PHKB: variants seen among roughly 807,000 people sequenced by gnomAD.
PHKB encodes phosphorylase kinase regulatory subunit beta, also known as phosphorylase b kinase regulatory subunit beta.
A neutral mutation model predicts 152.1 loss-of-function variants in PHKB; 122 were observed. The observed-to-expected ratio is 0.80, with a 90% CI of 0.69 to 0.93. The LOEUF (loss-of-function observed/expected upper bound fraction) is 0.93, where lower values mean the gene tolerates loss of function less well. Among genes scored for constraint, PHKB ranks in the 40% least tolerant of loss-of-function variants. The probability of loss-of-function intolerance (pLI) is 0.00; values close to 1 mark genes in which losing one functional copy is unlikely to be tolerated. For missense variants in PHKB, 1,304 were observed against 1,328.4 expected (o/e 0.98, Z 0.29); for synonymous variants, 436 against 464.9 (o/e 0.94, Z 0.80).
rs549607488 is a variant in PHKB at position 47,637,841 on chromosome 16, C to A, written c.1459-3194C>A. ...ATCAACATCAGAAATTTATTTCTCG[C>A]AGTTCTAAAAGCTGGGTGATCCAAG... On this transcript the variant is annotated intron_variant, in intron 14 of 30. Transcript: ENST00000323584. 4.6e-5 allele frequency among the ~76,000 whole-genome samples: 7 copies of A among 152,270 alleles called. No individual in the cohort carries two copies. In the East Asian group the frequency reaches 1.4e-3, roughly 29 times the overall value.
chr16:47,616,565 A>G (rs1013851831), intron 14 of PHKB, among the ~76,000 whole-genome samples: 1 of 146,078 alleles, frequency 6.8e-6, no homozygotes, highest in African/African-American at 2.5e-5. Flanking sequence ...ATGTTAATAT[A>G]TATTTTACAT....
At chr16:47,541,971 C>G (rs916578703) in intron 6 of PHKB, among the ~76,000 whole-genome samples, 49 of 152,232 alleles carry the variant, frequency 3.2e-4, no homozygotes, top group Non-Finnish European at 7.4e-5. Context: ...ATGGTAGTTT[C>G]TTTTGCTGTG....
At chr16:47,510,055 GT>G (rs1337381007) in intron 4 of PHKB, among the ~76,000 whole-genome samples, 2 of 152,176 alleles carry the variant, frequency 1.3e-5, no homozygotes, top group Non-Finnish European at 2.9e-5. Flanking sequence ...TTACCAGTTT[GT>G]TTTAAAGGAT....
chr16:47,699,424 T>C lies in PHKB; in HGVS notation c.*58T>C. 2 of 1,595,272 alleles carry C rather than the reference T, an allele frequency of 1.3e-6. No individual in the cohort carries two copies. Among genetic ancestry groups the C allele is most frequent in the Middle Eastern group, 1.7e-4 (1 of 6,028 alleles). ...ATGTTCTGAAGTGTGTTGTGTTTCATGTTCAAGCTTAATCAAGGCAGCCAT... is the reference window on the plus strand; with the variant it reads ...ATGTTCTGAAGTGTGTTGTGTTTCACGTTCAAGCTTAATCAAGGCAGCCAT... On this transcript the variant is annotated 3_prime_UTR_variant, in exon 31 of 31. Coordinates refer to ENST00000323584, the MANE Select transcript of PHKB (RefSeq NM_000293.3).
At chr16:47,698,929 G>A (rs978186327) in intron 30 of PHKB, among the ~76,000 whole-genome samples, 1 of 152,118 alleles carries the variant, frequency 6.6e-6, no homozygotes, top group African/African-American at 2.4e-5. Flanking sequence ...GACAGGCTAC[G>A]TTGGTGCTGC....
At chr16:47,606,035 G>A (rs965628732) in intron 13 of PHKB, among the ~76,000 whole-genome samples, 3 of 152,150 alleles carry the variant, frequency 2.0e-5, no homozygotes, top group African/African-American at 7.2e-5. Context: ...GAATATATGT[G>A]AAATACTTAA....
chr16:47,601,440 T>A (rs1972224216), intron 13 of PHKB, among the ~76,000 whole-genome samples: 1 of 152,130 alleles, frequency 6.6e-6, no homozygotes, highest in South Asian at 2.1e-4. Context: ...GTGTGGTGGC[T>A]CATGCCTGTA....
chr16:47,551,466 A>C (rs1488623124), intron 7 of PHKB, among the ~76,000 whole-genome samples: 1 of 151,948 alleles, frequency 6.6e-6, no homozygotes, highest in Non-Finnish European at 1.5e-5. Flanking sequence ...TTCATTTTGT[A>C]ATTTACCCAG....
At position 47,466,672 on chromosome 16, in the gene PHKB, A is replaced by C. The variant is rs114383599; in HGVS notation, c.76+5246A>C. Among the ~76,000 whole-genome samples, 1,160 of 152,290 alleles carry C rather than the reference A, an allele frequency of 7.6e-3. 22 individuals are homozygous for C. Among genetic ancestry groups the C allele is most frequent in the African/African-American group, 0.027 (1,116 of 41,546 alleles). On this transcript the variant is annotated intron_variant, in intron 1 of 30. Coordinates refer to ENST00000323584, the MANE Select transcript of PHKB (RefSeq NM_000293.3). Reference sequence around the variant, plus strand: ...TTGATTAACTTTCTTTTGTTAATTTAATTTGATGGGCAAATCAGTACCTGT... The same window carrying C: ...TTGATTAACTTTCTTTTGTTAATTTCATTTGATGGGCAAATCAGTACCTGT...
intron 1 of PHKB, chr16:47,463,584 T>C: frequency 3.3e-6 from 1 of 299,530 alleles, no homozygotes; most frequent in South Asian, 3.4e-5. Flanking sequence ...CAGTATAGAG[T>C]CCTCCCCACA....
intron 6 of PHKB, among the ~76,000 whole-genome samples, chr16:47,540,355 T>C (rs1175178594): frequency 3.3e-5 from 5 of 150,640 alleles, no homozygotes; most frequent in Non-Finnish European, 5.9e-5. Context: ...CAGCTGAACA[T>C]AGACCCTTAT....
At chr16:47,662,478 T>C (rs1221355327) in intron 23 of PHKB, among the ~76,000 whole-genome samples, 2 of 152,198 alleles carry the variant, frequency 1.3e-5, no homozygotes, top group African/African-American at 4.8e-5. Flanking sequence ...GAAAATACTC[T>C]GTTAAGAGGT....
rs138498909 is a variant in PHKB, at chr16:47,541,346, A to G, written c.595-6087A>G. On this transcript the variant is annotated intron_variant, in intron 6 of 30. Coordinates refer to ENST00000323584, the MANE Select transcript of PHKB (RefSeq NM_000293.3). Reference sequence around the variant, plus strand: ...TGAGCTCATCCTTTTTTATGGCTGCATAGTATTCCATGGTGTATATGTGCC... The same window carrying G: ...TGAGCTCATCCTTTTTTATGGCTGCGTAGTATTCCATGGTGTATATGTGCC... 1.8e-4 allele frequency among the ~76,000 whole-genome samples: 28 copies of G among 152,314 alleles called. No homozygotes were observed. The East Asian group carries it at 5.4e-3, about 29-fold the overall frequency.
chr16:47,689,101 G>A lies in PHKB; in HGVS notation c.2691G>A (p.Leu897=). Residue 897 remains leucine (L), a synonymous_variant, in exon 27 of 31, where the codon TTG becomes TTA. Coordinates refer to ENST00000323584, the MANE Select transcript of PHKB (RefSeq NM_000293.3). ...LQIRGGDKPA[L]DLYQLSPSEV... ...TCCGTGGCGGAGACAAGCCAGCCTT[G>A]GACTTGTATCAGCTGTCACCTAGTG... 1 of 1,613,812 alleles carries A rather than the reference G, an allele frequency of 6.2e-7. No individual in the cohort carries two copies. Among genetic ancestry groups the A allele is most frequent in the Non-Finnish European group, 8.5e-7 (1 of 1,179,804 alleles).
chr16:47,545,996 C>CT lies in PHKB; in HGVS notation c.595-1431dup, dbSNP rs1207660040. On this transcript the variant is annotated intron_variant, in intron 6 of 30. Transcript: ENST00000323584. Reference sequence around the variant, plus strand: ...TATTCTAGTTAGCCATTCATATAATCTTTTTTCAAAGTTTTTAGCTTCCTT... The same window carrying CT: ...TATTCTAGTTAGCCATTCATATAATCTTTTTTTCAAAGTTTTTAGCTTCCTT... 4.6e-5 allele frequency among the ~76,000 whole-genome samples: 7 copies of CT among 152,264 alleles called. No homozygotes were observed. The East Asian group carries it at 1.3e-3, about 29-fold the overall frequency.
intron 14 of PHKB, among the ~76,000 whole-genome samples, chr16:47,631,498 C>CT (rs1157699166): frequency 2.6e-4 from 39 of 152,130 alleles, no homozygotes; most frequent in African/African-American, 8.4e-4. Context: ...TTTTATTGTA[C>CT]TTTAAGTTCT....
chr16:47,617,309 GTCAT>G (rs1972536778), intron 14 of PHKB, among the ~76,000 whole-genome samples: 1 of 149,166 alleles, frequency 6.7e-6, no homozygotes, highest in Non-Finnish European at 1.5e-5. Flanking sequence ...TATCATTTCA[GTCAT>G]TCATAAGTGT....
intron 6 of PHKB, among the ~76,000 whole-genome samples, chr16:47,516,339 GT>G (rs1425191247): frequency 6.6e-6 from 1 of 152,118 alleles, no homozygotes; most frequent in Non-Finnish European, 1.5e-5. Flanking sequence ...GATTCTTCAT[GT>G]TTTTCAAAAG....
At chr16:47,466,440 T>C (rs1480431222) in intron 1 of PHKB, among the ~76,000 whole-genome samples, 1 of 152,208 alleles carries the variant, frequency 6.6e-6, no homozygotes, top group Non-Finnish European at 1.5e-5. Flanking sequence ...CTTGGAATAA[T>C]GGTTATAGCA....
Sources: allele counts gnomAD v4.1 joint callset (sites outside exome capture counted in the v4.1 genomes callset), GRCh38; gene constraint gnomAD v4.1.1; transcripts MANE v1.5; gene names NCBI Gene and HGNC (gene_info 2026-07-23, HGNC 2026-07-21).